The following MRTFA variants were observed in gnomAD, a reference collection of about 807,000 sequenced individuals.
MRTFA encodes the protein myocardin-related transcription factor A.
Under a neutral mutation model 83.5 loss-of-function variants are expected in MRTFA, and 20 were observed. The observed-to-expected ratio is 0.24, with a 90% CI of 0.17 to 0.35. MRTFA has a LOEUF of 0.35. Ranked by LOEUF, MRTFA falls within the 10% of genes least tolerant of loss-of-function variation. MRTFA has a pLI of 1.00. For missense variants in MRTFA, 1,200 were observed against 1,224.7 expected (o/e 0.98, Z 0.30); for synonymous variants, 659 against 541.2 (o/e 1.22, Z -3.02).
chr22:40,448,121 C>G (rs2053416725), intron 4 of MRTFA, among the ~76,000 whole-genome samples: 1 of 152,160 alleles, frequency 6.6e-6, no homozygotes, highest in African/African-American at 2.4e-5. Flanking sequence ...AGCATCCTGG[C>G]CAACACGGTG....
chr22:40,556,893 T>C (rs1187914969), intron 2 of MRTFA, among the ~76,000 whole-genome samples: 1 of 152,198 alleles, frequency 6.6e-6, no homozygotes, highest in African/African-American at 2.4e-5. Context: ...AAGGACCCCT[T>C]GAGAACTAAC....
intron 3 of MRTFA, among the ~76,000 whole-genome samples, chr22:40,531,295 T>C (rs1204028791): frequency 6.8e-6 from 1 of 147,074 alleles, no homozygotes; most frequent in Admixed American, 6.9e-5. Context: ...TAATTTTTTG[T>C]AGAGATGGGT....
At chr22:40,540,756 G>A (rs1416713323) in intron 3 of MRTFA, among the ~76,000 whole-genome samples, 1 of 121,196 alleles carries the variant, frequency 8.3e-6, no homozygotes. Flanking sequence ...CAGCCTGGGT[G>A]ACAGAGTGAG....
chr22:40,600,876 G>C (rs2056251502), intron 1 of MRTFA, among the ~76,000 whole-genome samples: 1 of 152,192 alleles, frequency 6.6e-6, no homozygotes, highest in South Asian at 2.1e-4. Flanking sequence ...TACTCAGATG[G>C]CTGAGGCAGA....
At chr22:40,601,334 G>A (rs574957824) in intron 1 of MRTFA, among the ~76,000 whole-genome samples, 4 of 152,046 alleles carry the variant, frequency 2.6e-5, no homozygotes, top group Admixed American at 1.3e-4. Flanking sequence ...CCCTGCCTCC[G>A]CCTTCAGAGG....
intron 3 of MRTFA, among the ~76,000 whole-genome samples, chr22:40,534,236 T>C (rs530589346): frequency 1.3e-5 from 2 of 152,336 alleles, no homozygotes; most frequent in South Asian, 4.1e-4. Context: ...TATTTATAGA[T>C]AACAGGCTAA....
intron 1 of MRTFA, among the ~76,000 whole-genome samples, chr22:40,633,293 G>A (rs1205120086): frequency 6.6e-6 from 1 of 152,092 alleles, no homozygotes; most frequent in Non-Finnish European, 1.5e-5. Context: ...AATATTTACT[G>A]AGCACCTGCT....
At chr22:40,482,919 G>T (rs1023134579) in intron 3 of MRTFA, among the ~76,000 whole-genome samples, 1 of 152,086 alleles carries the variant, frequency 6.6e-6, no homozygotes, top group Non-Finnish European at 1.5e-5. Context: ...TTACTTGAGA[G>T]CTGGAGTTGG....
At chr22:40,588,609 T>C (rs946006072) in intron 2 of MRTFA, among the ~76,000 whole-genome samples, 13 of 152,212 alleles carry the variant, frequency 8.5e-5, no homozygotes, top group Admixed American at 8.5e-4. Flanking sequence ...GTTAATGAAC[T>C]GTGGCCTCCA....
At chr22:40,477,520 T>C (rs1208443343) in intron 3 of MRTFA, among the ~76,000 whole-genome samples, 3 of 152,136 alleles carry the variant, frequency 2.0e-5, no homozygotes, top group African/African-American at 7.2e-5. Flanking sequence ...TTTTGAAAAC[T>C]AATCCATATA....
At chr22:40,418,281 A>C in intron 12 of MRTFA, 93 bp downstream of exon 12, 1 of 1,523,222 alleles carries the variant, frequency 6.6e-7, no homozygotes, top group South Asian at 1.3e-5. Flanking sequence ...CAAAATGTCC[A>C]GCACGAGGGG....
At chr22:40,593,442 C>A (rs2056148523) in intron 2 of MRTFA, among the ~76,000 whole-genome samples, 1 of 152,078 alleles carries the variant, frequency 6.6e-6, no homozygotes, top group South Asian at 2.1e-4. Context: ...TCTTTACTTT[C>A]CATTAATTTT....
chr22:40,452,187 C>T (rs1184925470), intron 4 of MRTFA, among the ~76,000 whole-genome samples: 2 of 151,726 alleles, frequency 1.3e-5, no homozygotes, highest in Non-Finnish European at 2.9e-5. Context: ...GGTTTCACCA[C>T]GTTGGCCAGG....
rs1241322359 is a variant in MRTFA at position 40,448,175 on chromosome 22, C to T, written c.308-12621G>A. On this transcript the variant is annotated intron_variant, in intron 4 of 14. Transcript: ENST00000355630. ...AAATACAAAAATCAGCTGGGTGTGA[C>T]GGTGCACGCCTGTAATCCCAGCTGC... Among the ~76,000 whole-genome samples the T allele has an allele frequency of 5.3e-5, 8 of 152,202 alleles. No homozygotes were observed. The South Asian group carries it at 8.3e-4, about 16-fold the overall frequency.
chr22:40,552,517 G>T, intron 2 of MRTFA, 150 bp from the exon 3 acceptor site: 1 of 379,464 alleles, frequency 2.6e-6, no homozygotes, highest in Non-Finnish European at 4.7e-6. Flanking sequence ...GAATCACAGG[G>T]GTGGTTACCT....
intron 1 of MRTFA, among the ~76,000 whole-genome samples, chr22:40,609,482 CA>C (rs148106089): frequency 0.24 from 16,883 of 69,964 alleles, 843 homozygotes; most frequent in Middle Eastern, 0.41. Context: ...GTCTCTTTAA[CA>C]AAAAAAAAAA....
chr22:40,506,272 C>T (rs758785627), intron 3 of MRTFA, among the ~76,000 whole-genome samples: 11 of 152,098 alleles, frequency 7.2e-5, no homozygotes, highest in Non-Finnish European at 1.3e-4. Flanking sequence ...TGCATTATGA[C>T]ACCAATTCTT....
At chr22:40,437,762 CAA>C (rs1180457762) in intron 4 of MRTFA, among the ~76,000 whole-genome samples, 16 of 105,832 alleles carry the variant, frequency 1.5e-4, no homozygotes, top group East Asian at 2.7e-4. Context: ...GACTCCGTCT[CAA>C]AAAAAAAAAA....
chr22:40,446,287 A>G (rs1270843281), intron 4 of MRTFA, among the ~76,000 whole-genome samples: 2 of 152,256 alleles, frequency 1.3e-5, no homozygotes, highest in Admixed American at 6.5e-5. Flanking sequence ...TTTTTTCAAT[A>G]AAATTGCAAA....
Sources: allele counts gnomAD v4.1 joint callset (sites outside exome capture counted in the v4.1 genomes callset), GRCh38; gene constraint gnomAD v4.1.1; transcripts MANE v1.5; gene names NCBI Gene and HGNC (gene_info 2026-07-23, HGNC 2026-07-21).